The following WFDC10A variants were observed in gnomAD, a reference collection of about 807,000 sequenced individuals.
WFDC10A encodes the protein WAP four-disulfide core domain 10A.
Under a neutral mutation model 2.6 loss-of-function variants are expected in WFDC10A, and 2 were observed. That is an observed-to-expected ratio of 0.76 (90% confidence interval 0.31 to 2.40). WFDC10A has a LOEUF of 2.40. Ranked by LOEUF, WFDC10A falls within the 30% of genes most tolerant of loss-of-function variation. WFDC10A has a pLI of 0.12. For missense variants in WFDC10A, 84 were observed against 91.8 expected, an observed-to-expected ratio of 0.92 and a Z score of 0.35; for synonymous variants, 36 against 36.3, an observed-to-expected ratio of 0.99 and a Z score of 0.03.
chr20:45,631,002 G>T lies in WFDC10A; in HGVS notation c.224G>T (p.Cys75Phe). ...TGTTCTACCTACTGTGGGAATGTTT[G>T]CATGAGCATCCTGTGAGTGGGAGAG... ...ICCSTYCGNV[C>F]MSIL is the part of the protein sequence containing the mutation. Residue 75 changes from cysteine (C) to phenylalanine (F), a missense_variant, in exon 2 of 2, where the codon TGC becomes TTC. Coordinates refer to ENST00000372643, the MANE Select transcript of WFDC10A (RefSeq NM_080753.3). 6 of 1,601,864 alleles carry T rather than the reference G, an allele frequency of 3.7e-6. No individual in the cohort carries two copies. Among genetic ancestry groups the T allele is most frequent in the Non-Finnish European group, 5.1e-6 (6 of 1,174,438 alleles).
chr20:45,630,865 G>A lies in WFDC10A; in HGVS notation c.92-5G>A, dbSNP rs1315759789. 2 of 1,592,796 alleles carry A rather than the reference G, an allele frequency of 1.3e-6. No homozygotes were observed. The highest frequency in any genetic ancestry group is 8.5e-7 in the Non-Finnish European group (1 of 1,171,102). On this transcript the variant is annotated splice_region_variant and splice_polypyrimidine_tract_variant and intron_variant, in intron 1 of 1. Transcript: ENST00000372643. The stretch of plus-strand genomic sequence containing the variant: ...GTTTATTTACCGTTCTATTCTCCTT[G>A]TCAGAAACACAGCTATCCCCAGAAA...
chr20:45,631,063 T>C lies in WFDC10A; in HGVS notation c.*45T>C. ...TGTGCATCCTGCTTCCCAACTCCTCTATCCAAGACTGTGCCCACATCCGAA... is the reference window on the plus strand; with the variant it reads ...TGTGCATCCTGCTTCCCAACTCCTCCATCCAAGACTGTGCCCACATCCGAA... On this transcript the variant is annotated 3_prime_UTR_variant, in exon 2 of 2. Coordinates refer to ENST00000372643, the MANE Select transcript of WFDC10A (RefSeq NM_080753.3). 1 of 1,514,452 alleles carries C rather than the reference T, an allele frequency of 6.6e-7. No homozygotes were observed. Among genetic ancestry groups the C allele is most frequent in the Non-Finnish European group, 8.8e-7 (1 of 1,132,028 alleles). 93.8% of individuals were successfully genotyped at this position (1,514,452 alleles called of 1,614,324 possible). A position where few individuals can be genotyped will look rare whatever the true frequency, so the allele number is the denominator to read the frequency against.
At position 45,630,839 on chromosome 20, in the gene WFDC10A, C is replaced by T. The variant is rs201463170; in HGVS notation, c.92-31C>T. 441 of 1,551,792 alleles carry T rather than the reference C, an allele frequency of 2.8e-4. 2 individuals carry two copies. In the African/African-American group the frequency reaches 3.3e-3, roughly 12 times the overall value. On this transcript the variant is annotated intron_variant, in intron 1 of 1. Transcript: ENST00000372643. The stretch of plus-strand genomic sequence containing the variant: ...GAGAAAAATGTTCTCTAGGAAACTG[C>T]GTTTATTTACCGTTCTATTCTCCTT...
intron 1 of WFDC10A, 77 bp from the exon 2 acceptor site, chr20:45,630,793 T>A: frequency 2.8e-6 from 4 of 1,448,324 alleles, no homozygotes; most frequent in South Asian, 1.5e-5. Flanking sequence ...GGTTCAAGGG[T>A]CTTGGAGGAG....
chr20:45,631,152 G>C lies in WFDC10A; in HGVS notation c.*134G>C. 1 of 1,021,320 alleles carries C rather than the reference G, an allele frequency of 9.8e-7. No homozygotes were observed. 63.3% of individuals were successfully genotyped at this position (1,021,320 alleles called of 1,614,324 possible). On this transcript the variant is annotated 3_prime_UTR_variant, in exon 2 of 2. Coordinates refer to ENST00000372643, the MANE Select transcript of WFDC10A (RefSeq NM_080753.3). ...AGGAATGCCGCCCTCTCTACTGTCT[G>C]AACCCCTTGTCCCTGTCAAATAAAC...
In WFDC10A at chr20:45,631,139, C is replaced by T. The variant is rs773737834; in HGVS notation, c.*121C>T. On this transcript the variant is annotated 3_prime_UTR_variant, in exon 2 of 2. Transcript: ENST00000372643. ...TAAGAACATCAACAGGAATGCCGCC[C>T]TCTCTACTGTCTGAACCCCTTGTCC... 27 of 1,182,398 alleles carry T rather than the reference C, an allele frequency of 2.3e-5. No individual in the cohort carries two copies. Among genetic ancestry groups the T allele is most frequent in the Non-Finnish European group, 3.0e-5 (26 of 877,064 alleles). The allele number at this position is 1,182,398 out of a possible 1,614,324, so 73.2% of individuals were successfully genotyped here.
Position 45,630,869 on chromosome 20 carries a change from G to A in WFDC10A, c.92-1G>A. On this transcript the variant is annotated splice_acceptor_variant, in intron 1 of 1. Coordinates refer to ENST00000372643, the MANE Select transcript of WFDC10A (RefSeq NM_080753.3). LOFTEE classifies it high-confidence loss of function. ...ATTTACCGTTCTATTCTCCTTGTCA[G>A]AAACACAGCTATCCCCAGAAATCAA... The A allele has an allele frequency of 6.3e-7, 1 of 1,594,324 alleles. No individual in the cohort carries two copies. The highest frequency in any genetic ancestry group is 8.5e-7 in the Non-Finnish European group (1 of 1,171,872).
chr20:45,630,382 G>T (rs1982332006), intron 1 of WFDC10A, among the ~76,000 whole-genome samples: 1 of 152,086 alleles, frequency 6.6e-6, no homozygotes, highest in Non-Finnish European at 1.5e-5. Flanking sequence ...CAAGGAGAGT[G>T]GTGGTGGAAA....
chr20:45,629,872 A>G lies in WFDC10A; in HGVS notation c.59A>G (p.Gln20Arg). Residue 20 changes from glutamine to arginine, a missense_variant, in exon 1 of 2, where the codon CAG becomes CGG. Physicochemically the swap from Gln to Arg is conservative, Grantham distance 43. Coordinates refer to ENST00000372643, the MANE Select transcript of WFDC10A (RefSeq NM_080753.3). ...CTCTGTGTGCTGCTGCTGCAGGCCCAGGGAGGATACCGTGACAAGAAGAGG... is the reference window on the plus strand; with the variant it reads ...CTCTGTGTGCTGCTGCTGCAGGCCCGGGGAGGATACCGTGACAAGAAGAGG... The part of the protein sequence containing the change: ...LVLCVLLLQA[Q>R]GGYRDKKRMQ... 1 of 1,613,940 alleles carries G rather than the reference A, an allele frequency of 6.2e-7. No individual in the cohort carries two copies. Among genetic ancestry groups the G allele is most frequent in the Non-Finnish European group, 8.5e-7 (1 of 1,179,958 alleles).
At position 45,629,894 on chromosome 20, in the gene WFDC10A, G is replaced by C. The variant is rs142723462; in HGVS notation, c.81G>C (p.Lys27Asn). 20 of 1,613,620 alleles carry C rather than the reference G, an allele frequency of 1.2e-5. No individual in the cohort carries two copies. The African/African-American group carries it at 2.3e-4, about 18-fold the overall frequency. ...CCCAGGGAGGATACCGTGACAAGAA[G>C]AGGATGCAGAGTAGGTGATGGGCTG... Reference protein sequence around the residue: ...LQAQGGYRDKKRMQKTQLSPE... With the variant: ...LQAQGGYRDKNRMQKTQLSPE... Residue 27 changes from lysine to asparagine, a missense_variant, in exon 1 of 2, where the codon AAG (lysine) becomes AAC (asparagine). Transcript: ENST00000372643.
At chr20:45,630,233 C>T (rs942991312) in intron 1 of WFDC10A, among the ~76,000 whole-genome samples, 3 of 131,310 alleles carry the variant, frequency 2.3e-5, no homozygotes, top group African/African-American at 8.7e-5. Context: ...GATTTATGCA[C>T]ATTTGTGAGG....
intron 1 of WFDC10A, among the ~76,000 whole-genome samples, chr20:45,630,117 A>G (rs940525956): frequency 6.6e-6 from 1 of 152,202 alleles, no homozygotes; most frequent in African/African-American, 2.4e-5. Flanking sequence ...AGAAACCTGC[A>G]TATTTTGCTG....
chr20:45,631,072 CTG>C lies in WFDC10A; in HGVS notation c.*57_*58del. On this transcript the variant is annotated 3_prime_UTR_variant, in exon 2 of 2. Transcript: ENST00000372643. ...TGCTTCCCAACTCCTCTATCCAAGA[CTG>C]TGCCCACATCCGAAGCACAAGGACC... 6.7e-7 allele frequency: 1 copy of C among 1,498,664 alleles called. No individual in the cohort carries two copies. Among genetic ancestry groups the C allele is most frequent in the Non-Finnish European group, 8.9e-7 (1 of 1,124,474 alleles). 92.8% of individuals were successfully genotyped at this position (1,498,664 alleles called of 1,614,324 possible). A position where few individuals can be genotyped will look rare whatever the true frequency, so the allele number is the denominator to read the frequency against.
In WFDC10A at chr20:45,631,148, G is replaced by C. The variant is rs935639803; in HGVS notation, c.*130G>C. The C allele has an allele frequency of 3.8e-6, 4 of 1,058,602 alleles. No individual in the cohort carries two copies. Among genetic ancestry groups the C allele is most frequent in the Non-Finnish European group, 5.1e-6 (4 of 778,546 alleles). 65.6% of individuals were successfully genotyped at this position (1,058,602 alleles called of 1,614,324 possible). ...CAACAGGAATGCCGCCCTCTCTACT[G>C]TCTGAACCCCTTGTCCCTGTCAAAT... On this transcript the variant is annotated 3_prime_UTR_variant, in exon 2 of 2. Transcript: ENST00000372643.
chr20:45,629,946 G>C (rs1277517838), intron 1 of WFDC10A, 42 bp downstream of exon 1: 2 of 1,605,650 alleles, frequency 1.2e-6, no homozygotes, highest in East Asian at 2.2e-5. Flanking sequence ...GAATTGGGTA[G>C]GGGGAATGGA....
In WFDC10A at chr20:45,629,808, A is replaced by C; in HGVS notation, c.-6A>C. 6.2e-7 allele frequency: 1 copy of C among 1,613,302 alleles called. No homozygotes were observed. Among genetic ancestry groups the C allele is most frequent in the South Asian group, 1.1e-5 (1 of 90,870 alleles). On this transcript the variant is annotated 5_prime_UTR_variant, in exon 1 of 2. Coordinates refer to ENST00000372643, the MANE Select transcript of WFDC10A (RefSeq NM_080753.3). The stretch of plus-strand genomic sequence containing the variant: ...CAGACATAGGGCTCACGATCTGATC[A>C]GAGTCATGGCACCCCAGACTCTGCT...
chr20:45,629,902 A>T lies in WFDC10A; in HGVS notation c.89A>T (p.Gln30Leu), dbSNP rs58353703. ...GGATACCGTGACAAGAAGAGGATGC[A>T]GAGTAGGTGATGGGCTGCTGGATGG... ...QGGYRDKKRM[Q>L]KTQLSPEIKV... The change falls in exon 1 of 2, where the codon CAG becomes CTG. Residue 30 changes from glutamine (Q) to leucine (L), a missense_variant and splice_region_variant. Transcript: ENST00000372643. The T allele has an allele frequency of 1.5e-3, 2,477 of 1,613,388 alleles. 37 individuals carry two copies. The African/African-American group carries it at 0.029, about 19-fold the overall frequency.
At position 45,631,076 on chromosome 20, in the gene WFDC10A, G is replaced by A; in HGVS notation, c.*58G>A. 6.7e-6 allele frequency: 10 copies of A among 1,481,506 alleles called. No individual in the cohort carries two copies. The South Asian group carries it at 1.0e-4, about 15-fold the overall frequency. The allele number at this position is 1,481,506 out of a possible 1,614,324, so 91.8% of individuals were successfully genotyped here. ...TCCCAACTCCTCTATCCAAGACTGT[G>A]CCCACATCCGAAGCACAAGGACCTC... On this transcript the variant is annotated 3_prime_UTR_variant, in exon 2 of 2. Coordinates refer to ENST00000372643, the MANE Select transcript of WFDC10A (RefSeq NM_080753.3).
In WFDC10A at chr20:45,630,860, T is replaced by A. The variant is rs778098258; in HGVS notation, c.92-10T>A. On this transcript the variant is annotated splice_polypyrimidine_tract_variant and intron_variant, in intron 1 of 1. Transcript: ENST00000372643. ...ACTGCGTTTATTTACCGTTCTATTC[T>A]CCTTGTCAGAAACACAGCTATCCCC... is the stretch of plus-strand genomic sequence containing the variant. 2.5e-6 allele frequency: 4 copies of A among 1,590,996 alleles called. No individual in the cohort carries two copies. The Admixed American group carries it at 5.3e-5, about 21-fold the overall frequency.
Sources: gnomAD v4.1 joint callset for allele counts (sites outside exome capture counted in the v4.1 genomes callset) on GRCh38, gnomAD v4.1.1 for gene constraint, MANE v1.5 for transcripts, NCBI Gene and HGNC (gene_info 2026-07-23, HGNC 2026-07-21) for gene names.